The following PLCL1 variants were observed in gnomAD, a reference collection of about 807,000 sequenced individuals.
PLCL1 encodes the protein phospholipase C like 1 (inactive).
A neutral mutation model predicts 84.4 loss-of-function variants in PLCL1; 41 were observed. That is an observed-to-expected ratio of 0.49 (90% CI 0.38 to 0.63). The LOEUF (loss-of-function observed/expected upper bound fraction) is 0.63. Ranked by LOEUF, PLCL1 falls within the 30% of genes least tolerant of loss-of-function variation. PLCL1 has a pLI of 0.00. For synonymous variants in PLCL1, 490 were observed against 488.3 expected (o/e 1.00, Z -0.05); for missense variants, 1,206 against 1,367.8 (o/e 0.88, Z 1.87).
At chr2:197,927,601 TCACA>T (rs1357763274) in intron 1 of PLCL1, among the ~76,000 whole-genome samples, 1 of 152,172 alleles carries the variant, frequency 6.6e-6, no homozygotes, top group Admixed American at 6.5e-5. Context: ...ATAAGCCAAC[TCACA>T]GGGCATTTTT....
At chr2:198,067,278 C>T (rs1692345901) in intron 1 of PLCL1, among the ~76,000 whole-genome samples, 1 of 152,000 alleles carries the variant, frequency 6.6e-6, no homozygotes, top group Non-Finnish European at 1.5e-5. Context: ...TAAGTGTGCA[C>T]CACCACACTC....
intron 1 of PLCL1, among the ~76,000 whole-genome samples, chr2:198,027,176 T>C (rs940539370): frequency 6.6e-6 from 1 of 152,128 alleles, no homozygotes; most frequent in Non-Finnish European, 1.5e-5. Context: ...TATTTAGCCT[T>C]TAATAAAAAG....
At chr2:197,881,521 C>CTGTGTGTGTGTG (rs112582985) in intron 1 of PLCL1, among the ~76,000 whole-genome samples, 25,792 of 150,830 alleles carry the variant, frequency 0.17, 2,326 homozygotes, top group East Asian at 0.26. Flanking sequence ...GAACAGTGCT[C>CTGTGTGTGTGTG]TGTGTGTGTG....
chr2:197,820,820 A>G (rs1306424345), intron 1 of PLCL1, among the ~76,000 whole-genome samples: 2 of 152,136 alleles, frequency 1.3e-5, no homozygotes, highest in Non-Finnish European at 2.9e-5. Flanking sequence ...ACTGTGCCTA[A>G]TACCTTACTA....
chr2:197,930,504 C>T (rs773121220), intron 1 of PLCL1, among the ~76,000 whole-genome samples: 4 of 152,098 alleles, frequency 2.6e-5, no homozygotes, highest in Non-Finnish European at 5.9e-5. Context: ...AATGAAATAA[C>T]TGGGTCTTTT....
At chr2:198,111,033 A>T (rs1437957636) in intron 5 of PLCL1, among the ~76,000 whole-genome samples, 1 of 151,864 alleles carries the variant, frequency 6.6e-6, no homozygotes, top group Non-Finnish European at 1.5e-5. Flanking sequence ...CAGCAGGCAA[A>T]GTGATTAAGT....
At chr2:197,941,074 A>G (rs1213230024) in intron 1 of PLCL1, among the ~76,000 whole-genome samples, 3 of 152,334 alleles carry the variant, frequency 2.0e-5, no homozygotes, top group East Asian at 3.9e-4. Context: ...TCTTGCTGAA[A>G]GTTCTACAAG....
At chr2:197,931,802 TAA>T (rs1301815044) in intron 1 of PLCL1, among the ~76,000 whole-genome samples, 1 of 151,784 alleles carries the variant, frequency 6.6e-6, no homozygotes, top group Admixed American at 6.6e-5. Flanking sequence ...AGGACTATGA[TAA>T]AATTATTTCT....
At chr2:197,880,446 A>C (rs185083001) in intron 1 of PLCL1, among the ~76,000 whole-genome samples, 34 of 152,292 alleles carry the variant, frequency 2.2e-4, no homozygotes, top group Non-Finnish European at 4.7e-4. Flanking sequence ...AGTAAAAATG[A>C]GATGATCTGA....
intron 1 of PLCL1, among the ~76,000 whole-genome samples, chr2:197,930,197 C>G (rs1574954243): frequency 6.6e-6 from 1 of 152,210 alleles, no homozygotes; most frequent in South Asian, 2.1e-4. Context: ...TTCACACTTT[C>G]ATAAGACTTA....
intron 1 of PLCL1, among the ~76,000 whole-genome samples, chr2:197,901,652 C>T (rs749604448): frequency 1.3e-5 from 2 of 151,906 alleles, no homozygotes; most frequent in Admixed American, 6.6e-5. Flanking sequence ...AAGCAGAGAC[C>T]GAGAGGATAA....
At chr2:197,977,825 A>G (rs1574979605) in intron 1 of PLCL1, among the ~76,000 whole-genome samples, 1 of 152,136 alleles carries the variant, frequency 6.6e-6, no homozygotes, top group Non-Finnish European at 1.5e-5. Flanking sequence ...CTATTTATGT[A>G]CCCCATAAGC....
chr2:197,982,940 AT>A (rs1198557972), intron 1 of PLCL1, among the ~76,000 whole-genome samples: 3 of 152,086 alleles, frequency 2.0e-5, no homozygotes, highest in Admixed American at 1.3e-4. Context: ...AAATTTATAT[AT>A]TTTTCTTAGC....
intron 5 of PLCL1, among the ~76,000 whole-genome samples, chr2:198,119,499 T>G (rs1693821645): frequency 6.6e-6 from 1 of 151,964 alleles, no homozygotes; most frequent in East Asian, 1.9e-4. Context: ...TGGGATTCCA[T>G]GCCTTCGCAC....
intron 1 of PLCL1, among the ~76,000 whole-genome samples, chr2:198,071,240 G>A (rs1692457707): frequency 6.6e-6 from 1 of 151,776 alleles, no homozygotes; most frequent in Admixed American, 6.6e-5. Context: ...TCCTTGGAAT[G>A]GATGTTTAGT....
At chr2:197,879,748 G>T (rs1687796438) in intron 1 of PLCL1, among the ~76,000 whole-genome samples, 1 of 152,104 alleles carries the variant, frequency 6.6e-6, no homozygotes, top group Admixed American at 6.6e-5. Flanking sequence ...TTCTGGTTAT[G>T]GATAAATCTC....
intron 1 of PLCL1, among the ~76,000 whole-genome samples, chr2:197,825,699 G>A (rs1024196278): frequency 1.7e-4 from 26 of 152,172 alleles, no homozygotes; most frequent in East Asian, 7.7e-4. Flanking sequence ...GAGAGACAGC[G>A]TGGGCAGGTA....
chr2:198,140,355 T>C (rs1694355437), intron 5 of PLCL1, among the ~76,000 whole-genome samples: 2 of 152,162 alleles, frequency 1.3e-5, no homozygotes, highest in Admixed American at 1.3e-4. Context: ...TAGAATTCTA[T>C]ATATACAAGA....
rs1694556875 is a variant in PLCL1 at position 198,147,605 on chromosome 2, C to G, written c.*643C>G. 1 of 152,050 alleles carries G rather than the reference C, an allele frequency of 6.6e-6. No homozygotes were observed. The highest frequency in any genetic ancestry group is 2.4e-5 in the African/African-American group (1 of 41,416). 9.4% of individuals were successfully genotyped at this position (152,050 alleles called of 1,614,324 possible). On this transcript the variant is annotated 3_prime_UTR_variant, in exon 6 of 6. Transcript: ENST00000428675. The stretch of plus-strand genomic sequence containing the variant: ...CAAGGTCATTTCTTCAGTCAGAAAA[C>G]TTTAAAAAATATTTATTAAATAAAA...
Sources: allele counts gnomAD v4.1 joint callset (sites outside exome capture counted in the v4.1 genomes callset), GRCh38; gene constraint gnomAD v4.1.1; transcripts MANE v1.5; gene names NCBI Gene and HGNC (gene_info 2026-07-23, HGNC 2026-07-21).